Variants in FAR1 observed in about 807,000 individuals in gnomAD.
The protein encoded by FAR1 is fatty acyl-CoA reductase 1.
A neutral mutation model predicts 61.1 loss-of-function variants in FAR1; 22 were observed. The ratio of observed to expected loss-of-function variants is 0.36; its 90% CI spans 0.26 to 0.51. FAR1 has a LOEUF of 0.51. Ranked by LOEUF, FAR1 falls within the 20% of genes least tolerant of loss-of-function variation. FAR1 has a pLI of 0.95. For missense variants in FAR1, 359 were observed against 626.9 expected (o/e 0.57, Z 4.56); for synonymous variants, 206 against 209.7 (o/e 0.98, Z 0.15).
intron 1 of FAR1, among the ~76,000 whole-genome samples, chr11:13,677,116 T>A (rs969637070): frequency 6.6e-6 from 1 of 152,186 alleles, no homozygotes; most frequent in Non-Finnish European, 1.5e-5. Flanking sequence ...GAGAAGGAAG[T>A]ATATTAACTT....
intron 2 of FAR1, among the ~76,000 whole-genome samples, chr11:13,699,067 A>G (rs1004158585): frequency 7.2e-5 from 11 of 152,112 alleles, no homozygotes; most frequent in African/African-American, 2.2e-4. Flanking sequence ...TGGAAACACT[A>G]TTATTCTACT....
At chr11:13,708,405 T>G (rs954483199) in intron 4 of FAR1, among the ~76,000 whole-genome samples, 1 of 148,434 alleles carries the variant, frequency 6.7e-6, no homozygotes, top group Non-Finnish European at 1.5e-5. Context: ...AGTCCCTCCC[T>G]CTTCTCCTCA....
intron 10 of FAR1, among the ~76,000 whole-genome samples, chr11:13,723,987 G>T (rs1340255442): frequency 1.3e-5 from 2 of 152,092 alleles, no homozygotes; most frequent in African/African-American, 4.8e-5. Flanking sequence ...TGCAGCATCT[G>T]ATTCTGCCAT....
intron 9 of FAR1, among the ~76,000 whole-genome samples, chr11:13,717,546 T>A (rs180934630): frequency 1.2e-3 from 188 of 152,332 alleles, no homozygotes; most frequent in African/African-American, 4.4e-3. Context: ...CTCTGAGTCA[T>A]CCTTCCTTTT....
At chr11:13,715,898 G>T (rs1215500161) in intron 9 of FAR1, 1 of 152,088 alleles carries the variant, frequency 6.6e-6, no homozygotes, top group African/African-American at 2.4e-5. Context: ...ATAAAAGTGA[G>T]GTAACTGCCA....
intron 4 of FAR1, among the ~76,000 whole-genome samples, chr11:13,709,452 A>G (rs1472876956): frequency 6.6e-6 from 1 of 152,174 alleles, no homozygotes; most frequent in Non-Finnish European, 1.5e-5. Flanking sequence ...CAATATATAC[A>G]AACATTTGAG....
In FAR1 at chr11:13,729,574, G is replaced by A. The variant is rs190595868; in HGVS notation, c.*800G>A. ...CACATTATGATCAAATAAAAATCTTGTGAGATTGTTTATGTTTTGAAGCAG... is the reference window on the plus strand; with the variant it reads ...CACATTATGATCAAATAAAAATCTTATGAGATTGTTTATGTTTTGAAGCAG... On this transcript the variant is annotated 3_prime_UTR_variant, in exon 12 of 12. Transcript: ENST00000354817. 2 of 152,060 alleles carry A rather than the reference G, an allele frequency of 1.3e-5. No individual in the cohort carries two copies. Among genetic ancestry groups the A allele is most frequent in the African/African-American group, 4.8e-5 (2 of 41,542 alleles). The allele number at this position is 152,060 out of a possible 1,614,324, so 9.4% of individuals were successfully genotyped here.
At chr11:13,712,183 A>G in intron 7 of FAR1, 137 bp downstream of exon 7, 1 of 633,656 alleles carries the variant, frequency 1.6e-6, no homozygotes. Context: ...GCCAACTCCA[A>G]GAGTTGGTAT....
intron 4 of FAR1, among the ~76,000 whole-genome samples, chr11:13,709,722 A>T (rs1350476901): frequency 6.6e-6 from 1 of 151,994 alleles, no homozygotes; most frequent in Admixed American, 6.6e-5. Context: ...AATTTAATTG[A>T]TGTTCTTTTC....
intron 11 of FAR1, among the ~76,000 whole-genome samples, chr11:13,727,927 G>A (rs1848683862): frequency 6.6e-6 from 1 of 151,828 alleles, no homozygotes; most frequent in Non-Finnish European, 1.5e-5. Flanking sequence ...CAGTTCTATA[G>A]ATGAGGAAAT....
intron 1 of FAR1, among the ~76,000 whole-genome samples, chr11:13,671,929 A>G (rs1214982055): frequency 6.6e-6 from 1 of 152,198 alleles, no homozygotes; most frequent in Non-Finnish European, 1.5e-5. Context: ...GAAGAAAGAA[A>G]AAGATTAGTT....
chr11:13,698,690 G>T (rs189142965), intron 2 of FAR1, among the ~76,000 whole-genome samples: 1 of 152,142 alleles, frequency 6.6e-6, no homozygotes, highest in Non-Finnish European at 1.5e-5. Flanking sequence ...AATTAGCTGG[G>T]CGTGGTGGCG....
At chr11:13,722,512 T>C (rs1198334916) in intron 10 of FAR1, among the ~76,000 whole-genome samples, 1 of 152,054 alleles carries the variant, frequency 6.6e-6, no homozygotes, top group Non-Finnish European at 1.5e-5. Flanking sequence ...TTTCGTTCTG[T>C]GCCCAGGCTG....
intron 10 of FAR1, among the ~76,000 whole-genome samples, chr11:13,726,976 A>T (rs1288332379): frequency 1.3e-5 from 2 of 152,062 alleles, no homozygotes; most frequent in Non-Finnish European, 2.9e-5. Flanking sequence ...TGAGCAATGC[A>T]TAGCCCTCTT....
chr11:13,725,722 T>C (rs1332591089), intron 10 of FAR1, among the ~76,000 whole-genome samples: 1 of 152,176 alleles, frequency 6.6e-6, no homozygotes, highest in Non-Finnish European at 1.5e-5. Context: ...AGTCATTTTG[T>C]ATCTTATCTT....
chr11:13,729,044 A>G lies in FAR1; in HGVS notation c.*270A>G, dbSNP rs145879077. On this transcript the variant is annotated 3_prime_UTR_variant, in exon 12 of 12. Transcript: ENST00000354817. ...CCTAGAAGAAAGGGGTGTGCTGAGG[A>G]CAAGAGTGGGGAAATAGGAACACTG... 1.3e-3 allele frequency: 364 copies of G among 285,926 alleles called. 2 individuals are homozygous for G. Among genetic ancestry groups the G allele is most frequent in the African/African-American group, 7.4e-3 (347 of 46,662 alleles). The allele number at this position is 285,926 out of a possible 1,614,324, so 17.7% of individuals were successfully genotyped here. A position where few individuals can be genotyped will look rare whatever the true frequency, so the allele number is the denominator to read the frequency against.
chr11:13,706,213 T>C (rs1848430338), intron 3 of FAR1, among the ~76,000 whole-genome samples: 1 of 152,194 alleles, frequency 6.6e-6, no homozygotes, highest in Non-Finnish European at 1.5e-5. Flanking sequence ...TTTGATGATA[T>C]TCCATCATGT....
intron 11 of FAR1, 42 bp downstream of exon 11, chr11:13,727,725 A>G (rs1848682129): frequency 1.9e-6 from 3 of 1,546,752 alleles, no homozygotes; most frequent in South Asian, 2.4e-5. Flanking sequence ...TGTCTTCCTT[A>G]TGAAATATTC....
intron 1 of FAR1, among the ~76,000 whole-genome samples, chr11:13,689,880 T>TC (rs1848229332): frequency 6.6e-6 from 1 of 150,500 alleles, no homozygotes; most frequent in African/African-American, 2.4e-5. Flanking sequence ...GATCTTTTTT[T>TC]TTTTTTTTTT....
Sources: allele counts gnomAD v4.1 joint callset (sites outside exome capture counted in the v4.1 genomes callset), GRCh38; gene constraint gnomAD v4.1.1; transcripts MANE v1.5; gene names NCBI Gene and HGNC (gene_info 2026-07-23, HGNC 2026-07-21).